Variants in GPHN observed in about 807,000 individuals in gnomAD.
GPHN encodes the protein gephyrin.
Under a neutral mutation model 95.5 loss-of-function variants are expected in GPHN, and 17 were observed. That is an observed-to-expected ratio of 0.18 (90% CI 0.12 to 0.27). The LOEUF (loss-of-function observed/expected upper bound fraction) is 0.27, where lower values mean the gene tolerates loss of function less well. GPHN is among the 10% of genes least tolerant of loss of function. GPHN has a pLI of 1.00. For synonymous variants in GPHN, 320 were observed against 322.5 expected (o/e 0.99, Z 0.08); for missense variants, 660 against 978.1 (o/e 0.67, Z 4.34).
At chr14:67,450,353 T>C in the GPHN span, among the ~76,000 whole-genome samples, 4 of 152,328 alleles carry the variant, frequency 2.6e-5, no homozygotes, top group South Asian at 4.1e-4. Flanking sequence ...GAAGTGACTT[T>C]GGAACTGGGT....
intron 2 of GPHN, among the ~76,000 whole-genome samples, chr14:66,722,156 A>T (rs117640427): frequency 1.3e-5 from 2 of 152,096 alleles, no homozygotes; most frequent in Non-Finnish European, 2.9e-5. Flanking sequence ...AGTTGTAAAT[A>T]AAACTGAGTA....
At chr14:67,524,490 G>A in the GPHN span, among the ~76,000 whole-genome samples, 7 of 152,162 alleles carry the variant, frequency 4.6e-5, no homozygotes, top group Non-Finnish European at 8.8e-5. Flanking sequence ...ACAGGCTTAG[G>A]ACTTCTTCCT....
intron 10 of GPHN, among the ~76,000 whole-genome samples, chr14:67,049,149 T>G (rs980682505): frequency 1.3e-5 from 2 of 152,186 alleles, no homozygotes; most frequent in African/African-American, 2.4e-5. Context: ...ACTTCTGTTC[T>G]ACAGTCACAA....
At chr14:66,595,761 G>A (rs1185409512) in intron 1 of GPHN, among the ~76,000 whole-genome samples, 1 of 149,370 alleles carries the variant, frequency 6.7e-6, no homozygotes, top group Non-Finnish European at 1.5e-5. Flanking sequence ...TCTTAAGTCT[G>A]GGCTCCCTGA....
At chr14:67,376,972 C>T in the GPHN span, among the ~76,000 whole-genome samples, 2 of 152,176 alleles carry the variant, frequency 1.3e-5, 1 homozygote, top group East Asian at 3.8e-4. Context: ...TTACTATCAC[C>T]GGGATTTGCT....
chr14:66,523,427 A>G (rs540235613), intron 1 of GPHN, among the ~76,000 whole-genome samples: 241 of 152,242 alleles, frequency 1.6e-3, no homozygotes, highest in Non-Finnish European at 2.9e-3. Context: ...AAAACAAAAA[A>G]TTAGCACTCC....
chr14:67,574,034 A>G, the GPHN span: 1 of 711,248 alleles, frequency 1.4e-6, no homozygotes, highest in Non-Finnish European at 2.4e-6. This position sits in a 1 kb window ranked among gnomAD's most constrained non-coding sequence, Gnocchi z 4.2. Flanking sequence ...TGTGAGTACA[A>G]GAAAGGAAGA....
chr14:66,509,915 G>T (rs1434782847), intron 1 of GPHN, among the ~76,000 whole-genome samples: 2 of 152,174 alleles, frequency 1.3e-5, no homozygotes, highest in Non-Finnish European at 2.9e-5. Flanking sequence ...TGAATTTTAT[G>T]AAAAGGTGAT....
At chr14:66,976,915 T>TGGGGG (rs34249632) in intron 9 of GPHN, among the ~76,000 whole-genome samples, 1 of 81,816 alleles carries the variant, frequency 1.2e-5, no homozygotes, top group African/African-American at 4.7e-5. Context: ...CAGAAATATG[T>TGGGGG]GGGGGGGGGG....
chr14:67,573,662 T>C, the GPHN span: 1 of 684,336 alleles, frequency 1.5e-6, no homozygotes, highest in Admixed American at 2.3e-5. The surrounding 1 kb of genome is among the most constrained non-coding windows in gnomAD (Gnocchi z 4.8). Context: ...CTAGAATAAG[T>C]CACCCATCAT....
chr14:67,024,559 T>C (rs1778873727), intron 10 of GPHN, among the ~76,000 whole-genome samples: 1 of 152,242 alleles, frequency 6.6e-6, no homozygotes, highest in Non-Finnish European at 1.5e-5. Context: ...CTCCTGGTTA[T>C]GCTTTATTAC....
chr14:67,583,552 G>A, the GPHN span, among the ~76,000 whole-genome samples: 2 of 152,144 alleles, frequency 1.3e-5, no homozygotes, highest in Non-Finnish European at 2.9e-5. Context: ...TAATATTCGA[G>A]GGCCCTAAGT....
rs755083907 is a variant in GPHN, at chr14:66,924,227, A to G, written c.763A>G (p.Met255Val). The change falls in exon 8 of 23, where the codon ATG (methionine) becomes GTG (valine). Residue 255 changes from methionine to valine, a missense_variant. Physicochemically the swap from Met to Val is conservative, Grantham distance 21 (BLOSUM62 1). Coordinates refer to ENST00000478722, the MANE Select transcript of GPHN (RefSeq NM_020806.5). ...HPFYTSPAVV[M>V]AHGEQPIPGL... ...ATTCTACACCAGTCCTGCTGTTGTCATGGCACACGGTGAACAGCCCATCCC... is the reference window on the plus strand; with the variant it reads ...ATTCTACACCAGTCCTGCTGTTGTCGTGGCACACGGTGAACAGCCCATCCC... 6 of 1,610,904 alleles carry G rather than the reference A, an allele frequency of 3.7e-6. No homozygotes were observed. Among genetic ancestry groups the G allele is most frequent in the Admixed American group, 3.3e-5 (2 of 59,978 alleles).
At chr14:67,187,102 A>C in the GPHN span, among the ~76,000 whole-genome samples, 2 of 152,322 alleles carry the variant, frequency 1.3e-5, no homozygotes, top group East Asian at 3.9e-4. Context: ...ATGGAGCCAG[A>C]TCGTGCTCAC....
chr14:67,067,611 A>T (rs1259275566), intron 11 of GPHN, among the ~76,000 whole-genome samples: 1 of 152,226 alleles, frequency 6.6e-6, no homozygotes, highest in Non-Finnish European at 1.5e-5. Flanking sequence ...AGCTCCGCCC[A>T]GTTCAAGCTT....
intron 4 of GPHN, 110 bp from the exon 5 acceptor site, chr14:66,879,829 A>G (rs1341583285): frequency 1.4e-6 from 1 of 733,566 alleles, no homozygotes; most frequent in Non-Finnish European, 2.5e-6. Flanking sequence ...AACTAAAAGT[A>G]TGGTTATTGA....
chr14:67,228,313 A>G, the GPHN span: 1 of 440,996 alleles, frequency 2.3e-6, no homozygotes, highest in Non-Finnish European at 3.0e-6. Flanking sequence ...TGTTTCAATC[A>G]TTTATTTTAC....
At chr14:66,724,358 A>G (rs915920267) in intron 2 of GPHN, among the ~76,000 whole-genome samples, 9 of 152,174 alleles carry the variant, frequency 5.9e-5, no homozygotes, top group African/African-American at 1.7e-4. Flanking sequence ...ACTTCAGACA[A>G]GTGACTAAGG....
chr14:67,169,860 T>G (rs1275262352), intron 21 of GPHN, among the ~76,000 whole-genome samples: 1 of 152,220 alleles, frequency 6.6e-6, no homozygotes, highest in African/African-American at 2.4e-5. Flanking sequence ...GTGGATCACC[T>G]GAGGTCAGGA....
Sources: allele counts gnomAD v4.1 joint callset (sites outside exome capture counted in the v4.1 genomes callset), GRCh38; gene constraint gnomAD v4.1.1; non-coding constraint Gnocchi (gnomAD v3.1); transcripts MANE v1.5; gene names NCBI Gene and HGNC (gene_info 2026-07-23, HGNC 2026-07-21).